The following PAG1 variants were observed in gnomAD, a reference collection of about 807,000 sequenced individuals.
PAG1 encodes the protein phosphoprotein associated with glycosphingolipid-enriched microdomains 1.
Under a neutral mutation model 31.7 loss-of-function variants are expected in PAG1, and 23 were observed. The observed-to-expected ratio is 0.73, with a 90% CI of 0.52 to 1.03. The LOEUF (loss-of-function observed/expected upper bound fraction) is 1.03, where lower values mean the gene tolerates loss of function less well. Among genes scored for constraint, PAG1 ranks in the 50% least tolerant of loss-of-function variants. The pLI, the probability that PAG1 is intolerant of heterozygous loss-of-function variation, is 0.00. For missense variants in PAG1, 473 were observed against 540.7 expected, an observed-to-expected ratio of 0.87 and a Z score of 1.24; for synonymous variants, 214 against 210.3, an observed-to-expected ratio of 1.02 and a Z score of -0.15.
chr8:81,014,836 G>A (rs1277794980), intron 3 of PAG1, among the ~76,000 whole-genome samples: 2 of 152,168 alleles, frequency 1.3e-5, no homozygotes, highest in Non-Finnish European at 2.9e-5. Flanking sequence ...GACATTCAGT[G>A]TTTGGGAATG....
At chr8:81,081,140 A>T (rs1012466889) in intron 1 of PAG1, among the ~76,000 whole-genome samples, 1 of 151,454 alleles carries the variant, frequency 6.6e-6, no homozygotes, top group South Asian at 2.1e-4. Flanking sequence ...GTTAACAAAT[A>T]TTATCTATTT....
At chr8:81,041,976 G>T (rs1260013081) in intron 2 of PAG1, among the ~76,000 whole-genome samples, 1 of 152,174 alleles carries the variant, frequency 6.6e-6, no homozygotes, top group Non-Finnish European at 1.5e-5. Context: ...CCCAAAGGGT[G>T]CAATCTTATC....
In PAG1 at chr8:80,990,395, C is replaced by G. The variant is rs1807516425; in HGVS notation, c.177+1084G>C. Among the ~76,000 whole-genome samples the G allele has an allele frequency of 6.6e-6, 1 of 152,162 alleles. No individual in the cohort carries two copies. ...TGCTGGCTGCGGGTTTTACGCCAGA[C>G]CTTGGCTCATCCATGCTTCCTTGTT... On this transcript the variant is annotated intron_variant, in intron 5 of 8. Transcript: ENST00000220597. This position sits in a 1 kb window ranked among gnomAD's most constrained non-coding sequence, Gnocchi z 5.1.
intron 3 of PAG1, among the ~76,000 whole-genome samples, chr8:81,016,063 C>G (rs1401356154): frequency 6.6e-6 from 1 of 152,098 alleles, no homozygotes; most frequent in African/African-American, 2.4e-5. Flanking sequence ...ATTGTTCCCC[C>G]AGTAGCCAGC....
At chr8:81,096,847 C>T (rs1040467265) in intron 1 of PAG1, among the ~76,000 whole-genome samples, 4 of 152,116 alleles carry the variant, frequency 2.6e-5, no homozygotes, top group Non-Finnish European at 5.9e-5. Context: ...GCTGGGGGCA[C>T]AAGGCTGTCA....
chr8:81,105,716 A>G (rs559792596), intron 1 of PAG1, among the ~76,000 whole-genome samples: 13 of 152,172 alleles, frequency 8.5e-5, no homozygotes, highest in Non-Finnish European at 1.5e-4. Flanking sequence ...TTGGGGTGAA[A>G]GGATGGCGTA....
intron 7 of PAG1, among the ~76,000 whole-genome samples, chr8:80,983,419 A>G (rs1197900738): frequency 5.9e-5 from 9 of 152,180 alleles, no homozygotes; most frequent in Admixed American, 3.9e-4. Context: ...TAAGTTCCAC[A>G]GGGCAGGGAT....
intron 6 of PAG1, 49 bp downstream of exon 6, chr8:80,987,321 C>T (rs1378566835): frequency 2.6e-6 from 3 of 1,154,288 alleles, no homozygotes; most frequent in East Asian, 4.7e-5. Context: ...CTAGGACTTC[C>T]AGAGGTGATG....
At chr8:81,109,354 T>C (rs1809739712) in intron 1 of PAG1, among the ~76,000 whole-genome samples, 1 of 152,172 alleles carries the variant, frequency 6.6e-6, no homozygotes, top group Non-Finnish European at 1.5e-5. Context: ...AAGAACACAG[T>C]TTCAACACAG....
intron 2 of PAG1, among the ~76,000 whole-genome samples, chr8:81,062,703 T>C (rs35850197): frequency 0.33 from 49,914 of 151,920 alleles, 9,947 homozygotes; most frequent in East Asian, 0.67. Flanking sequence ...TTTTTGTTTG[T>C]TTTGTTTTAA....
chr8:81,027,675 G>A (rs1333645002), intron 3 of PAG1, among the ~76,000 whole-genome samples: 1 of 152,150 alleles, frequency 6.6e-6, no homozygotes, highest in Non-Finnish European at 1.5e-5. Flanking sequence ...GGAGGCCGAG[G>A]CAGGCGGATC....
intron 1 of PAG1, among the ~76,000 whole-genome samples, chr8:81,097,335 C>A (rs1336150460): frequency 6.6e-6 from 1 of 152,146 alleles, no homozygotes; most frequent in East Asian, 1.9e-4. Flanking sequence ...GAATGGGGTG[C>A]GGCAGCAATA....
Position 80,980,188 on chromosome 8 carries a change from T to C in PAG1, c.936+247A>G, listed in dbSNP as rs559636278. ...TCTCCCCTGCCCTCTCTATTTTTCCTGACCCTGCTTTCCTGCTCAGTTTCT... is the reference window on the plus strand; with the variant it reads ...TCTCCCCTGCCCTCTCTATTTTTCCCGACCCTGCTTTCCTGCTCAGTTTCT... On this transcript the variant is annotated intron_variant, in intron 8 of 8. Transcript: ENST00000220597. 1.1e-4 allele frequency among the ~76,000 whole-genome samples: 16 copies of C among 152,360 alleles called. No homozygotes were observed. In the East Asian group the frequency reaches 3.1e-3, roughly 29 times the overall value.
At chr8:81,081,713 C>T (rs1809269106) in intron 1 of PAG1, among the ~76,000 whole-genome samples, 1 of 151,310 alleles carries the variant, frequency 6.6e-6, no homozygotes, top group Non-Finnish European at 1.5e-5. Flanking sequence ...ATTCACACAG[C>T]ATGGCTCTCT....
intron 1 of PAG1, among the ~76,000 whole-genome samples, chr8:81,070,995 A>G (rs1377897581): frequency 6.6e-6 from 1 of 152,204 alleles, no homozygotes; most frequent in Non-Finnish European, 1.5e-5. Flanking sequence ...CACTGGGGGA[A>G]ACTGGTGCCT....
chr8:81,105,013 C>T (rs1206126552), intron 1 of PAG1, among the ~76,000 whole-genome samples: 1 of 152,120 alleles, frequency 6.6e-6, no homozygotes, highest in East Asian at 1.9e-4. Flanking sequence ...CCCGCCTCTC[C>T]GGTACCTTTG....
Position 80,976,703 on chromosome 8 carries a change from G to A in PAG1, c.1140C>T (p.Ser380=), listed in dbSNP as rs550649486. 2.8e-5 allele frequency: 45 copies of A among 1,614,012 alleles called. No homozygotes were observed. Among genetic ancestry groups the A allele is most frequent in the Admixed American group, 3.3e-5 (2 of 59,998 alleles). Residue 380 remains serine (S), a synonymous_variant, in exon 9 of 9, where the codon AGC becomes AGT. Transcript: ENST00000220597. ...CTTCATAATCAGGCTCTGGCTCCTC[G>A]CTGGGCCTCCCTGCTGGTGGAAGTG... ...NSTLPPAGRP[S]EEPEPDYEAI...
chr8:81,102,696 T>C (rs1378824967), intron 1 of PAG1, among the ~76,000 whole-genome samples: 2 of 152,154 alleles, frequency 1.3e-5, no homozygotes, highest in Non-Finnish European at 2.9e-5. Flanking sequence ...ATTAGGTAAA[T>C]AAAAAATTTA....
intron 2 of PAG1, among the ~76,000 whole-genome samples, chr8:81,034,489 T>A (rs148659932): frequency 6.6e-6 from 1 of 152,230 alleles, no homozygotes. Context: ...ACTTTATCTA[T>A]GTTGCAATGG....
Sources: gnomAD v4.1 joint callset for allele counts (sites outside exome capture counted in the v4.1 genomes callset) on GRCh38, gnomAD v4.1.1 for gene constraint, Gnocchi (gnomAD v3.1) non-coding constraint, MANE v1.5 for transcripts, NCBI Gene and HGNC (gene_info 2026-07-23, HGNC 2026-07-21) for gene names.